Variants in KDM2B observed in about 807,000 individuals in gnomAD.
KDM2B encodes lysine demethylase 2B, also known as lysine-specific demethylase 2B.
KDM2B carries 26 observed loss-of-function variants against 150.0 expected under a neutral mutation model. That is an observed-to-expected ratio of 0.17 (90% CI 0.13 to 0.24). KDM2B has a LOEUF of 0.24. Among genes scored for constraint, KDM2B ranks in the 10% least tolerant of loss-of-function variants. The pLI, the probability that KDM2B is intolerant of heterozygous loss-of-function variation, is 1.00. For synonymous variants in KDM2B, 734 were observed against 729.5 expected (o/e 1.01, Z -0.10); for missense variants, 1,265 against 1,816.9 (o/e 0.70, Z 5.52).
At chr12:121,570,386 A>C (rs903469661) in intron 4 of KDM2B, among the ~76,000 whole-genome samples, 2 of 151,870 alleles carry the variant, frequency 1.3e-5, no homozygotes, top group Non-Finnish European at 2.9e-5. Context: ...AGGTTTTGCC[A>C]TGCTCCCCAG....
At chr12:121,427,881 C>A (rs1872589717), downstream of KDM2B, among the ~76,000 whole-genome samples, 1 of 152,162 alleles carries the variant, frequency 6.6e-6, no homozygotes, top group African/African-American at 2.4e-5. Context: ...GATCCGTTCA[C>A]CAGAGAACAA....
rs567569740 is a variant in KDM2B, at chr12:121,448,774, C to T, written c.1960-3356G>A. On this transcript the variant is annotated intron_variant, in intron 13 of 22. Coordinates refer to ENST00000377071, the MANE Select transcript of KDM2B (RefSeq NM_032590.5). ...ACAAATACCAAACACACATCTGCCA[C>T]GGCCTGAAACAAGGTCCTGGGGCCA... Among the ~76,000 whole-genome samples, 30 of 152,360 alleles carry T rather than the reference C, an allele frequency of 2.0e-4. No homozygotes were observed. In the East Asian group the frequency reaches 4.0e-3, roughly 21 times the overall value.
In KDM2B at chr12:121,548,958, T is replaced by A; in HGVS notation, c.602A>T (p.Asn201Ile). 1 of 1,614,186 alleles carries A rather than the reference T, an allele frequency of 6.2e-7. No homozygotes were observed. Among genetic ancestry groups the A allele is most frequent in the Non-Finnish European group, 8.5e-7 (1 of 1,179,992 alleles). The change falls in exon 6 of 23, where the codon AAC (asparagine) becomes ATC (isoleucine). Residue 201 changes from asparagine to isoleucine, a missense_variant. Physicochemically the swap from Asn to Ile is moderately radical, Grantham distance 149. Around this residue, in one of 11 missense-constraint regions of KDM2B, gnomAD observed 214 missense variants for 447.4 expected, o/e 0.48. Coordinates refer to ENST00000377071, the MANE Select transcript of KDM2B (RefSeq NM_032590.5). Reference sequence around the variant, plus strand: ...CTCCTTCAGATGCTGGGGCCACATGTTGTCCACCCAGTCCACCAGGTCTAC... The same window carrying A: ...CTCCTTCAGATGCTGGGGCCACATGATGTCCACCCAGTCCACCAGGTCTAC... ...TVVDLVDWVDNMWPQHLKEKQ... is the reference protein window; with the variant it reads ...TVVDLVDWVDIMWPQHLKEKQ...
intron 9 of KDM2B, among the ~76,000 whole-genome samples, chr12:121,514,286 T>A (rs1220128395): frequency 8.5e-5 from 13 of 152,120 alleles, no homozygotes; most frequent in African/African-American, 3.1e-4. Context: ...TGGCTGGGTT[T>A]TTTTGTATTT....
chr12:121,571,029 C>T (rs140907550), intron 4 of KDM2B, among the ~76,000 whole-genome samples: 1 of 152,300 alleles, frequency 6.6e-6, no homozygotes, highest in African/African-American at 2.4e-5. Flanking sequence ...AGTACTGCCT[C>T]ATGCTGCAAC....
At chr12:121,555,458 C>T (rs1555312540) in intron 4 of KDM2B, among the ~76,000 whole-genome samples, 1 of 152,012 alleles carries the variant, frequency 6.6e-6, no homozygotes, top group Non-Finnish European at 1.5e-5. Flanking sequence ...CTGCAACCTC[C>T]ACCTCCCTGG....
chr12:121,450,630 C>T (rs1475991296), intron 13 of KDM2B, among the ~76,000 whole-genome samples: 5 of 152,056 alleles, frequency 3.3e-5, no homozygotes, highest in African/African-American at 1.2e-4. Context: ...GAGGCCGAGG[C>T]GGGTGGATCA....
chr12:121,567,706 CTTTTT>C (rs1180847689), intron 4 of KDM2B, among the ~76,000 whole-genome samples: 2 of 120,934 alleles, frequency 1.7e-5, no homozygotes, highest in Admixed American at 8.5e-5. Flanking sequence ...AAATACATTT[CTTTTT>C]TTTTTTTTTT....
chr12:121,579,975 C>T (rs375472045), intron 1 of KDM2B: 176 of 1,440,330 alleles, frequency 1.2e-4, no homozygotes, highest in Non-Finnish European at 1.4e-4. Flanking sequence ...TATCATATGC[C>T]AGATACAGAT....
At chr12:121,509,527 C>A in intron 11 of KDM2B, 40 bp downstream of exon 11, 1 of 1,598,508 alleles carries the variant, frequency 6.3e-7, no homozygotes, top group Non-Finnish European at 8.5e-7. Flanking sequence ...CCTGCCCGGC[C>A]CTCCTCGGCC....
chr12:121,440,418 A>G, intron 21 of KDM2B: 5 of 405,390 alleles, frequency 1.2e-5, no homozygotes, highest in East Asian at 1.0e-4. Context: ...GTCCAGGGGG[A>G]GGTGCCATCC....
rs1378468590 is a variant in KDM2B at position 121,442,243 on chromosome 12, G to A, written c.3198C>T (p.His1066=). Residue 1066 remains histidine (H), a synonymous_variant, in exon 19 of 23, where the codon CAC becomes CAT. Transcript: ENST00000377071. This position sits in a 1 kb window ranked among gnomAD's most constrained non-coding sequence, Gnocchi z 7.7. ...PLDDGAAHVM[H]REVWMAVFSY... ...TGAAGACGGCCATCCACACCTCCCT[G>A]TGCATGACGTGGGCTGCCCCATCGT... 3 of 1,613,228 alleles carry A rather than the reference G, an allele frequency of 1.9e-6. No homozygotes were observed. Among genetic ancestry groups the A allele is most frequent in the Non-Finnish European group, 2.5e-6 (3 of 1,179,926 alleles).
At chr12:121,544,068 T>TTGCGCCACTGCACTCCAGCC (rs1555310191) in intron 6 of KDM2B, among the ~76,000 whole-genome samples, 2 of 144,132 alleles carry the variant, frequency 1.4e-5, no homozygotes, top group Non-Finnish European at 3.0e-5. Flanking sequence ...CGACCCACAA[T>TTGCGCCACTGCACTCCAGCC]TGCGCCACTG....
At chr12:121,419,704 T>C in the KDM2B span, among the ~76,000 whole-genome samples, 1 of 152,322 alleles carries the variant, frequency 6.6e-6, no homozygotes, top group African/African-American at 2.4e-5. Context: ...TTCTAAAGTG[T>C]TCTGATTGAG....
downstream of KDM2B, among the ~76,000 whole-genome samples, chr12:121,426,451 C>G (rs550983493): frequency 1.5e-4 from 21 of 139,670 alleles, 1 homozygote; most frequent in Non-Finnish European, 2.1e-4. Context: ...CCCTCCCCCC[C>G]CTTTTTTTTT....
intron 8 of KDM2B, among the ~76,000 whole-genome samples, chr12:121,528,053 C>T (rs187572551): frequency 6.6e-6 from 1 of 152,164 alleles, no homozygotes; most frequent in Admixed American, 6.5e-5. Flanking sequence ...ACCTGGTGAC[C>T]CCTAGGCACT....
chr12:121,521,141 C>A lies in KDM2B; in HGVS notation c.932-41G>T. Reference sequence around the variant, plus strand: ...CAAGGAGAGGATGAGCCGCTGGCCCCTGTGGGCTCCCACACCTCACAAGGC... The same window carrying A: ...CAAGGAGAGGATGAGCCGCTGGCCCATGTGGGCTCCCACACCTCACAAGGC... On this transcript the variant is annotated intron_variant, in intron 8 of 22. Transcript: ENST00000377071. This position sits in a 1 kb window ranked among gnomAD's most constrained non-coding sequence, Gnocchi z 4.9. 1 of 1,402,184 alleles carries A rather than the reference C, an allele frequency of 7.1e-7. No individual in the cohort carries two copies. The highest frequency in any genetic ancestry group is 1.0e-6 in the Non-Finnish European group (1 of 989,646). 86.9% of individuals were successfully genotyped at this position (1,402,184 alleles called of 1,614,324 possible).
chr12:121,536,858 G>A (rs1888159027), intron 6 of KDM2B, among the ~76,000 whole-genome samples: 1 of 152,066 alleles, frequency 6.6e-6, no homozygotes, highest in African/African-American at 2.4e-5. Flanking sequence ...TGGGCTGCGG[G>A]CCCCAGGGCT....
intron 12 of KDM2B, among the ~76,000 whole-genome samples, chr12:121,488,788 AT>A (rs528064009): frequency 6.7e-6 from 1 of 149,412 alleles, no homozygotes; most frequent in Non-Finnish European, 1.5e-5. Context: ...GGCCTGGCTA[AT>A]TTTTTTTGGT....
Sources: gnomAD v4.1 joint callset for allele counts (sites outside exome capture counted in the v4.1 genomes callset) on GRCh38, gnomAD v4.1.1 for gene constraint, gnomAD v4.1.1 regional missense constraint, Gnocchi (gnomAD v3.1) non-coding constraint, MANE v1.5 for transcripts, NCBI Gene and HGNC (gene_info 2026-07-23, HGNC 2026-07-21) for gene names.